The following SGCE variants were observed in gnomAD, a reference collection of about 807,000 sequenced individuals.
The protein encoded by SGCE is epsilon-sarcoglycan.
SGCE carries 26 observed loss-of-function variants against 57.8 expected under a neutral mutation model. The ratio of observed to expected loss-of-function variants is 0.45; its 90% CI spans 0.33 to 0.62. The LOEUF (loss-of-function observed/expected upper bound fraction) is 0.62, where lower values mean the gene tolerates loss of function less well. Ranked by LOEUF, SGCE falls within the 20% of genes least tolerant of loss-of-function variation. The pLI is 0.02. For synonymous variants in SGCE, 183 were observed against 189.5 expected (o/e 0.97, Z 0.28); for missense variants, 468 against 548.6 (o/e 0.85, Z 1.47).
intron 5 of SGCE, among the ~76,000 whole-genome samples, chr7:94,610,258 C>G (rs186659898): frequency 6.6e-6 from 1 of 152,140 alleles, no homozygotes; most frequent in South Asian, 2.1e-4. Context: ...TGAAACTACT[C>G]TGTATGATAC....
At chr7:94,599,187 T>C in intron 8 of SGCE, 1 of 491,124 alleles carries the variant, frequency 2.0e-6, no homozygotes, top group Non-Finnish European at 3.6e-6. Context: ...AGGTGTTTTA[T>C]TAAACTAAGC....
At chr7:94,590,909 GT>G (rs924401549) in intron 9 of SGCE, 2 of 152,058 alleles carry the variant, frequency 1.3e-5, no homozygotes, top group African/African-American at 4.8e-5. Flanking sequence ...GTTAAATGCT[GT>G]TTAAACTCTT....
At chr7:94,599,810 G>A (rs376327195) in intron 7 of SGCE, 87 bp from the exon 8 acceptor site, 13 of 981,844 alleles carry the variant, frequency 1.3e-5, no homozygotes, top group Non-Finnish European at 2.1e-5. Flanking sequence ...CTTGCATGAT[G>A]TGGAAATGCT....
chr7:94,643,831 C>A (rs956279802), intron 1 of SGCE, among the ~76,000 whole-genome samples: 1 of 151,958 alleles, frequency 6.6e-6, no homozygotes, highest in Non-Finnish European at 1.5e-5. Context: ...AGAAAAGGAC[C>A]AATGCATTTT....
intron 1 of SGCE, chr7:94,639,464 C>A: frequency 1.4e-6 from 2 of 1,414,830 alleles, no homozygotes; most frequent in Non-Finnish European, 1.9e-6. Flanking sequence ...CAGAATAAAA[C>A]AAATGTACAA....
chr7:94,634,455 A>G (rs1300435716), intron 1 of SGCE, among the ~76,000 whole-genome samples: 3 of 152,242 alleles, frequency 2.0e-5, no homozygotes, highest in Middle Eastern at 3.4e-3. Flanking sequence ...TGTGTGTTTT[A>G]CAGATTTTGT....
At chr7:94,586,984 A>G in intron 10 of SGCE, 1 of 984,492 alleles carries the variant, frequency 1.0e-6, no homozygotes. Flanking sequence ...TATGATCCAA[A>G]TTGCAGAAAA....
intron 1 of SGCE, among the ~76,000 whole-genome samples, chr7:94,635,055 A>C (rs1345121256): frequency 6.6e-6 from 1 of 152,230 alleles, no homozygotes; most frequent in African/African-American, 2.4e-5. Context: ...ATACTATAAC[A>C]CAATATAATT....
At chr7:94,603,989 A>G (rs999801885) in intron 5 of SGCE, among the ~76,000 whole-genome samples, 4 of 152,126 alleles carry the variant, frequency 2.6e-5, no homozygotes, top group Admixed American at 6.6e-5. Flanking sequence ...ACAAACCCCT[A>G]TATGCTTGGT....
chr7:94,598,552 A>T (rs1263428795), intron 9 of SGCE: 4 of 554,212 alleles, frequency 7.2e-6, no homozygotes, highest in Non-Finnish European at 9.7e-6. Context: ...ATTAAGGTAT[A>T]TGTAGTCTTG....
chr7:94,607,914 G>T (rs1584575847), intron 5 of SGCE, among the ~76,000 whole-genome samples: 1 of 152,154 alleles, frequency 6.6e-6, no homozygotes, highest in South Asian at 2.1e-4. Flanking sequence ...CAGCAACGTT[G>T]CAGGAATCAG....
chr7:94,588,979 C>T, intron 9 of SGCE: 1 of 515,212 alleles, frequency 1.9e-6, no homozygotes. Flanking sequence ...TACCTCACAA[C>T]AACCCTAAGA....
At chr7:94,651,863 A>G (rs1807918699) in intron 1 of SGCE, among the ~76,000 whole-genome samples, 2 of 152,174 alleles carry the variant, frequency 1.3e-5, no homozygotes, top group African/African-American at 2.4e-5. Flanking sequence ...ATCAACCTGA[A>G]AACTTGAATC....
chr7:94,624,031 A>G (rs1472281440), intron 3 of SGCE: 4 of 392,886 alleles, frequency 1.0e-5, no homozygotes, highest in Non-Finnish European at 1.8e-5. Flanking sequence ...ACTTACATCA[A>G]AGTCAATTCA....
intron 4 of SGCE, 113 bp from the exon 5 acceptor site, chr7:94,619,069 G>A (rs1584639747): frequency 2.6e-6 from 2 of 773,838 alleles, no homozygotes; most frequent in East Asian, 2.6e-5. Context: ...GCAGCAGGAA[G>A]CAATATTAAT....
intron 1 of SGCE, among the ~76,000 whole-genome samples, chr7:94,655,413 TA>T (rs1419816880): frequency 6.6e-6 from 1 of 152,124 alleles, no homozygotes; most frequent in South Asian, 2.1e-4. Context: ...CCCTGCTCCG[TA>T]AAACCGAAGA....
chr7:94,602,350 G>C (rs1200889232), intron 6 of SGCE, among the ~76,000 whole-genome samples: 3 of 152,094 alleles, frequency 2.0e-5, no homozygotes, highest in African/African-American at 7.2e-5. Flanking sequence ...AGAGTTCAAG[G>C]CAAAAGGCCA....
intron 1 of SGCE, among the ~76,000 whole-genome samples, chr7:94,633,935 T>A (rs1381134978): frequency 6.6e-6 from 1 of 152,178 alleles, no homozygotes; most frequent in Non-Finnish European, 1.5e-5. Context: ...TTGCCAGTTC[T>A]TTTTCTGCAT....
At chr7:94,648,002 CGA>C (rs1807344478) in intron 1 of SGCE, among the ~76,000 whole-genome samples, 2 of 152,076 alleles carry the variant, frequency 1.3e-5, no homozygotes, top group South Asian at 4.1e-4. Context: ...AAAAGTTCCA[CGA>C]TAGCCGAGCT....
Sources: allele counts gnomAD v4.1 joint callset (sites outside exome capture counted in the v4.1 genomes callset), GRCh38; gene constraint gnomAD v4.1.1; transcripts MANE v1.5; gene names NCBI Gene and HGNC (gene_info 2026-07-23, HGNC 2026-07-21).